The following COX6A1 variants were observed in gnomAD, a reference collection of about 807,000 sequenced individuals.
COX6A1 encodes the protein cytochrome c oxidase subunit 6A1, also known as cytochrome c oxidase subunit 6A1, mitochondrial.
COX6A1 carries 10 observed loss-of-function variants against 11.3 expected under a neutral mutation model. That is an observed-to-expected ratio of 0.88 (90% CI 0.54 to 1.50). The LOEUF (loss-of-function observed/expected upper bound fraction) is 1.50, where lower values mean the gene tolerates loss of function less well. Ranked by LOEUF, COX6A1 falls within the 40% of genes most tolerant of loss-of-function variation. The probability of loss-of-function intolerance (pLI) is 0.00; values close to 1 mark genes in which losing one functional copy is unlikely to be tolerated. For missense variants in COX6A1, 149 were observed against 147.6 expected, an observed-to-expected ratio of 1.01 and a Z score of -0.05; for synonymous variants, 81 against 60.6, an observed-to-expected ratio of 1.34 and a Z score of -1.57.
intron 2 of COX6A1, chr12:120,438,945 G>A (rs2137031263): frequency 5.5e-6 from 1 of 181,264 alleles, no homozygotes; most frequent in Non-Finnish European, 1.2e-5. Flanking sequence ...GGCTGAAGCA[G>A]GAGAATCCCT....
intron 2 of COX6A1, among the ~76,000 whole-genome samples, chr12:120,439,172 G>C (rs992141286): frequency 2.0e-5 from 3 of 152,224 alleles, no homozygotes; most frequent in African/African-American, 7.2e-5. Flanking sequence ...TGTTGATGTA[G>C]ATATATTACA....
At chr12:120,438,348 C>A in intron 1 of COX6A1, 31 bp from the exon 2 acceptor site, 1 of 1,614,206 alleles carries the variant, frequency 6.2e-7, no homozygotes, top group Non-Finnish European at 8.5e-7. Context: ...CCGCCCCATA[C>A]CGGCGCTGAA....
rs1463183756 is a variant in COX6A1, at chr12:120,438,452, G to A, written c.177G>A (p.Leu59=). The A allele has an allele frequency of 6.2e-7, 1 of 1,614,192 alleles. No individual in the cohort carries two copies. Among genetic ancestry groups the A allele is most frequent in the Non-Finnish European group, 8.5e-7 (1 of 1,180,032 alleles). ...GVAVSMLNVY[L]KSHHGEHERP... ...CAGTCAGCATGCTGAATGTGTACCT[G>A]AAGTCGCACCACGGAGAGCACGAGA... Residue 59 remains leucine (L), a synonymous_variant, in exon 2 of 3, where the codon CTG becomes CTA. Coordinates refer to ENST00000229379, the MANE Select transcript of COX6A1 (RefSeq NM_004373.4).
In COX6A1 at chr12:120,440,714, T is replaced by A. The variant is rs1877702857; in HGVS notation, c.*177T>A. On this transcript the variant is annotated 3_prime_UTR_variant, in exon 3 of 3. Transcript: ENST00000229379. The stretch of plus-strand genomic sequence containing the variant: ...TGCTTGTGGCAGGAGATGGCTTAAA[T>A]AAATAACTTAAATTTAGATTGGTCA... 2.0e-6 allele frequency: 1 copy of A among 501,802 alleles called. No individual in the cohort carries two copies. The highest frequency in any genetic ancestry group is 3.7e-5 in the Admixed American group (1 of 26,904). 31.1% of individuals were successfully genotyped at this position (501,802 alleles called of 1,614,324 possible).
chr12:120,438,788 C>CT (rs376239130), intron 2 of COX6A1: 17,136 of 119,630 alleles, frequency 0.14, 2,330 homozygotes, highest in Non-Finnish European at 0.16. Flanking sequence ...TGAGACAGTT[C>CT]TTTTTTTTTT....
intron 2 of COX6A1, 185 bp downstream of exon 2, chr12:120,438,706 C>T (rs1877640172): frequency 4.2e-6 from 3 of 716,262 alleles, no homozygotes; most frequent in Non-Finnish European, 6.9e-6. Flanking sequence ...CGTCTCAATT[C>T]TCTTCTTCAA....
At chr12:120,439,544 G>A (rs994414490) in intron 2 of COX6A1, among the ~76,000 whole-genome samples, 4 of 152,028 alleles carry the variant, frequency 2.6e-5, no homozygotes, top group Admixed American at 2.0e-4. Context: ...AAAAAAAATA[G>A]TAATAATATA....
In COX6A1 at chr12:120,440,625, G is replaced by T; in HGVS notation, c.*88G>T. The T allele has an allele frequency of 1.1e-6, 1 of 892,914 alleles. No homozygotes were observed. 55.3% of individuals were successfully genotyped at this position (892,914 alleles called of 1,614,324 possible). ...CACATGGACCAGAAAAAGTATATGG[G>T]ACCTTAAGCTCACCTTCTTTACTTG... On this transcript the variant is annotated 3_prime_UTR_variant, in exon 3 of 3. Coordinates refer to ENST00000229379, the MANE Select transcript of COX6A1 (RefSeq NM_004373.4).
intron 1 of COX6A1, 35 bp from the exon 2 acceptor site, chr12:120,438,344 C>T: frequency 6.2e-7 from 1 of 1,614,176 alleles, no homozygotes. Context: ...GGGCCCGCCC[C>T]ATACCGGCGC....
intron 2 of COX6A1, among the ~76,000 whole-genome samples, chr12:120,439,682 T>G (rs1474445123): frequency 6.6e-6 from 1 of 152,102 alleles, no homozygotes; most frequent in Admixed American, 6.6e-5. Context: ...ATTTGTTGAG[T>G]CTTTGAGCGG....
In COX6A1 at chr12:120,438,247, G is replaced by A; in HGVS notation, c.103+18G>A. ...GGGCTCAGGTACTGGGGCCGGGGTC[G>A]ACGGGTCGAGCCTCAGCCCCACTCG... On this transcript the variant is annotated intron_variant, in intron 1 of 2. Coordinates refer to ENST00000229379, the MANE Select transcript of COX6A1 (RefSeq NM_004373.4). The A allele has an allele frequency of 6.2e-7, 1 of 1,612,504 alleles. No homozygotes were observed. The highest frequency in any genetic ancestry group is 8.5e-7 in the Non-Finnish European group (1 of 1,179,380).
In COX6A1 at chr12:120,440,453, G is replaced by A. The variant is rs1437613013; in HGVS notation, c.247-1G>A. ...ATCTAACTGACATCTTCACTCCACA[G>A]CCGTTTCCCTGGGGAGATGGTAACC... On this transcript the variant is annotated splice_acceptor_variant, in intron 2 of 2. Coordinates refer to ENST00000229379, the MANE Select transcript of COX6A1 (RefSeq NM_004373.4). LOFTEE classifies it high-confidence loss of function. 1.2e-6 allele frequency: 2 copies of A among 1,611,402 alleles called. No homozygotes were observed. Among genetic ancestry groups the A allele is most frequent in the Non-Finnish European group, 1.7e-6 (2 of 1,177,740 alleles).
chr12:120,440,517 A>G lies in COX6A1; in HGVS notation c.310A>G (p.Thr104Ala), dbSNP rs200936136. Residue 104 changes from threonine to alanine, a missense_variant, in exon 3 of 3, where the codon ACT (threonine) becomes GCT (alanine). By Grantham distance (58) the Thr-to-Ala change is moderately conservative. Coordinates refer to ENST00000229379, the MANE Select transcript of COX6A1 (RefSeq NM_004373.4). ...FHNPHVNPLP[T>A]GYEDE ...TAACCCTCATGTGAATCCACTTCCA[A>G]CTGGCTACGAAGATGAATAAAGAGA... is the stretch of plus-strand genomic sequence containing the variant. 3.0e-5 allele frequency: 48 copies of G among 1,610,738 alleles called. No homozygotes were observed. In the Admixed American group the frequency reaches 3.0e-4, roughly 10 times the overall value.
chr12:120,438,788 C>CTTTT lies in COX6A1; in HGVS notation c.246+290_246+293dup, dbSNP rs376239130. ...CTACCTCCTGCCTTCTGAGACAGTT[C>CTTTT]TTTTTTTTTTTTTTTTTTTTTTTTT... On this transcript the variant is annotated intron_variant, in intron 2 of 2. Transcript: ENST00000229379. The CTTTT allele has an allele frequency of 6.1e-3, 736 of 120,028 alleles. 63 individuals carry two copies. Among genetic ancestry groups the CTTTT allele is most frequent in the African/African-American group, 0.015 (278 of 18,946 alleles). The allele number at this position is 120,028 out of a possible 1,614,324, so 7.4% of individuals were successfully genotyped here.
chr12:120,438,473 C>G lies in COX6A1; in HGVS notation c.198C>G (p.His66Gln), dbSNP rs758570135. ...ACCTGAAGTCGCACCACGGAGAGCACGAGAGACCCGAGTTCATCGCCTACC... is the reference window on the plus strand; with the variant it reads ...ACCTGAAGTCGCACCACGGAGAGCAGGAGAGACCCGAGTTCATCGCCTACC... ...NVYLKSHHGEHERPEFIAYPH... is the reference protein window; with the variant it reads ...NVYLKSHHGEQERPEFIAYPH... The change falls in exon 2 of 3, where the codon CAC becomes CAG. Residue 66 changes from histidine to glutamine, a missense_variant. Coordinates refer to ENST00000229379, the MANE Select transcript of COX6A1 (RefSeq NM_004373.4). The G allele has an allele frequency of 1.9e-6, 3 of 1,614,140 alleles. No homozygotes were observed. Among genetic ancestry groups the G allele is most frequent in the Admixed American group, 1.7e-5 (1 of 59,992 alleles).
At chr12:120,438,322 A>C in intron 1 of COX6A1, 57 bp from the exon 2 acceptor site, 13 of 1,613,650 alleles carry the variant, frequency 8.1e-6, no homozygotes, top group Non-Finnish European at 1.1e-5. Flanking sequence ...TGCGGGAGGG[A>C]AAGTGAGACC....
intron 2 of COX6A1, among the ~76,000 whole-genome samples, chr12:120,439,631 A>G (rs938087203): frequency 6.6e-6 from 1 of 152,152 alleles, no homozygotes; most frequent in African/African-American, 2.4e-5. Flanking sequence ...CACCTAGCCC[A>G]TATAGGACTG....
intron 1 of COX6A1, 67 bp downstream of exon 1, chr12:120,438,296 C>T (rs1025569450): frequency 1.2e-6 from 2 of 1,612,936 alleles, no homozygotes; most frequent in Admixed American, 1.7e-5. Flanking sequence ...GGGACTGTGA[C>T]CTTGGCCCGA....
chr12:120,438,261 C>T (rs1367507939), intron 1 of COX6A1, 32 bp downstream of exon 1: 6 of 1,612,366 alleles, frequency 3.7e-6, no homozygotes, highest in Non-Finnish European at 3.4e-6. Context: ...GGTCGAGCCT[C>T]AGCCCCACTC....
Sources: gnomAD v4.1 joint callset for allele counts (sites outside exome capture counted in the v4.1 genomes callset) on GRCh38, gnomAD v4.1.1 for gene constraint, MANE v1.5 for transcripts, NCBI Gene and HGNC (gene_info 2026-07-23, HGNC 2026-07-21) for gene names.